WDR37: variants seen among roughly 807,000 people sequenced by gnomAD.
WDR37 encodes the protein WD repeat domain 37.
In WDR37, 19 loss-of-function variants were observed where a neutral mutation model predicts 62.9. That is an observed-to-expected ratio of 0.30 (90% CI 0.21 to 0.44). The LOEUF (loss-of-function observed/expected upper bound fraction) is 0.44, where lower values mean the gene tolerates loss of function less well. Among genes scored for constraint, WDR37 ranks in the 20% least tolerant of loss-of-function variants. WDR37 has a pLI of 1.00. For missense variants in WDR37, 474 were observed against 657.6 expected (o/e 0.72, Z 3.05); for synonymous variants, 250 against 260.9 (o/e 0.96, Z 0.40).
chr10:1,059,657 G>A (rs1833310392), intron 1 of WDR37, among the ~76,000 whole-genome samples: 1 of 151,866 alleles, frequency 6.6e-6, no homozygotes, highest in Admixed American at 6.6e-5. Flanking sequence ...AATTAGCCAG[G>A]CGTGGTGGTG....
intron 7 of WDR37, among the ~76,000 whole-genome samples, chr10:1,087,357 G>A (rs186688933): frequency 2.0e-5 from 3 of 152,308 alleles, no homozygotes; most frequent in East Asian, 1.9e-4. Context: ...AGAGCAAAAC[G>A]CTGTTACAGG....
chr10:1,088,973 A>G (rs1394664976), intron 7 of WDR37, among the ~76,000 whole-genome samples: 1 of 152,302 alleles, frequency 6.6e-6, no homozygotes, highest in African/African-American at 2.4e-5. Context: ...TGGCCAGCAG[A>G]TAGAGTGGAC....
intron 3 of WDR37, among the ~76,000 whole-genome samples, chr10:1,078,934 C>T (rs1209055185): frequency 6.6e-6 from 1 of 152,192 alleles, no homozygotes; most frequent in Admixed American, 6.5e-5. Flanking sequence ...GTTTTTCACT[C>T]TGTAACTAAG....
intron 11 of WDR37, among the ~76,000 whole-genome samples, chr10:1,115,131 C>T (rs1835348916): frequency 6.6e-6 from 1 of 151,854 alleles, no homozygotes; most frequent in African/African-American, 2.4e-5. Flanking sequence ...GCAGGTGGCT[C>T]TGCCTTGTGC....
chr10:1,093,436 T>A lies in WDR37; in HGVS notation c.605-16T>A. 6.2e-7 allele frequency: 1 copy of A among 1,602,188 alleles called. No homozygotes were observed. The highest frequency in any genetic ancestry group is 2.2e-5 in the East Asian group (1 of 44,766). On this transcript the variant is annotated splice_polypyrimidine_tract_variant and intron_variant, in intron 7 of 13. Coordinates refer to ENST00000263150, the MANE Select transcript of WDR37 (RefSeq NM_014023.4). ...TGTCACTTTAAACCTGTTTTTATCA[T>A]ATTTTTATTTTGCAGTAAATTCTAT...
At chr10:1,087,441 T>C (rs1465222791) in intron 7 of WDR37, among the ~76,000 whole-genome samples, 1 of 152,170 alleles carries the variant, frequency 6.6e-6, no homozygotes, top group Admixed American at 6.5e-5. Context: ...TATATGTGCA[T>C]AGGTTAAAAA....
chr10:1,129,537 TC>T lies in WDR37; in HGVS notation c.*194del. 1 of 848,484 alleles carries T rather than the reference TC, an allele frequency of 1.2e-6. No homozygotes were observed. The highest frequency in any genetic ancestry group is 1.9e-5 in the South Asian group (1 of 52,384). 52.6% of individuals were successfully genotyped at this position (848,484 alleles called of 1,614,324 possible). On this transcript the variant is annotated 3_prime_UTR_variant, in exon 14 of 14. Coordinates refer to ENST00000263150, the MANE Select transcript of WDR37 (RefSeq NM_014023.4). ...TGTGTGGTCGTATTTTTTACTTTTGTCTTGTATATGTATGTATATTGGGTCC... is the reference window on the plus strand; with the variant it reads ...TGTGTGGTCGTATTTTTTACTTTTGTTTGTATATGTATGTATATTGGGTCC...
In WDR37 at chr10:1,105,278, G is replaced by T. The variant is rs112773277; in HGVS notation, c.1103+11G>T. The stretch of plus-strand genomic sequence containing the variant: ...CCAGGGACACACGGAGTGAGTTGCG[G>T]TAGTTTAGACATCTGTCCTTAGTCA... On this transcript the variant is annotated intron_variant, in intron 11 of 13. Coordinates refer to ENST00000263150, the MANE Select transcript of WDR37 (RefSeq NM_014023.4). This position sits in a 1 kb window ranked among gnomAD's most constrained non-coding sequence, Gnocchi z 5.3. 1.2e-5 allele frequency: 20 copies of T among 1,612,742 alleles called. No individual in the cohort carries two copies. The highest frequency in any genetic ancestry group is 3.3e-4 in the Middle Eastern group (2 of 6,062).
chr10:1,107,226 G>A (rs1835052177), intron 11 of WDR37, among the ~76,000 whole-genome samples: 2 of 152,240 alleles, frequency 1.3e-5, no homozygotes, highest in Non-Finnish European at 2.9e-5. Context: ...GGTGCTCCCC[G>A]ACGTCCACCA....
Position 1,092,872 on chromosome 10 carries a change from C to CAAAAAAAAAAAAAAAAAA in WDR37, c.605-571_605-554dup, listed in dbSNP as rs56220560. On this transcript the variant is annotated intron_variant, in intron 7 of 13. Coordinates refer to ENST00000263150, the MANE Select transcript of WDR37 (RefSeq NM_014023.4). ...GCAACCAGAGCAAGACCCTATCTCA[C>CAAAAAAAAAAAAAAAAAA]AAAAAAAAAAAAAAAAAAAAAAAAA... 2.5e-3 allele frequency among the ~76,000 whole-genome samples: 107 copies of CAAAAAAAAAAAAAAAAAA among 41,974 alleles called. 7 individuals are homozygous for CAAAAAAAAAAAAAAAAAA. The highest frequency in any genetic ancestry group is 6.7e-3 in the East Asian group (7 of 1,040). 27.5% of individuals were successfully genotyped at this position (41,974 alleles called of 152,430 possible).
intron 1 of WDR37, among the ~76,000 whole-genome samples, chr10:1,068,360 G>A (rs1015996330): frequency 1.4e-5 from 1 of 71,102 alleles, no homozygotes; most frequent in Non-Finnish European, 2.8e-5. Flanking sequence ...GGGCGCCTGA[G>A]GCAGGAGAAT....
At chr10:1,104,855 C>G (rs1422340198) in intron 10 of WDR37, among the ~76,000 whole-genome samples, 2 of 152,164 alleles carry the variant, frequency 1.3e-5, no homozygotes, top group East Asian at 3.8e-4. Context: ...CACATTCAAC[C>G]TGTTAATTTG....
chr10:1,073,899 AAC>A (rs1402923730), intron 2 of WDR37, among the ~76,000 whole-genome samples: 3 of 152,032 alleles, frequency 2.0e-5, no homozygotes, highest in Non-Finnish European at 4.4e-5. Context: ...CCTGCTTCCA[AAC>A]ACAGTCGCAT....
At position 1,056,391 on chromosome 10, in the gene WDR37, G is replaced by A. The variant is rs1833164580; in HGVS notation, c.-618G>A. The A allele has an allele frequency of 6.6e-6, 1 of 152,272 alleles. No individual in the cohort carries two copies. Among genetic ancestry groups the A allele is most frequent in the South Asian group, 2.1e-4 (1 of 4,836 alleles). 9.4% of individuals were successfully genotyped at this position (152,272 alleles called of 1,614,324 possible). On this transcript the variant is annotated 5_prime_UTR_variant, in exon 1 of 14. Transcript: ENST00000263150. ...TTCAGGACGCTGGTGAGTCACTGCG[G>A]AGGAGCCGAACACTGACCGCGCCGT...
rs74120426 is a variant in WDR37, at chr10:1,078,845, C to T, written c.235+842C>T. 8.8e-3 allele frequency among the ~76,000 whole-genome samples: 1,345 copies of T among 152,306 alleles called. 13 individuals are homozygous for T. Among genetic ancestry groups the T allele is most frequent in the African/African-American group, 0.021 (869 of 41,564 alleles). ...AATTTGTACTAGACAAATGTAACTA[C>T]AATCAAGTCTTTCATGCTTTATCTA... On this transcript the variant is annotated intron_variant, in intron 3 of 13. Transcript: ENST00000263150.
At chr10:1,113,927 A>C (rs952522198) in intron 11 of WDR37, among the ~76,000 whole-genome samples, 73 of 129,866 alleles carry the variant, frequency 5.6e-4, no homozygotes, top group Non-Finnish European at 1.0e-3. Context: ...TCCAGTTTTG[A>C]GGTTCAATTG....
chr10:1,103,708 A>T lies in WDR37; in HGVS notation c.833A>T (p.Lys278Met). 6.2e-7 allele frequency: 1 copy of T among 1,614,222 alleles called. No homozygotes were observed. The highest frequency in any genetic ancestry group is 8.5e-7 in the Non-Finnish European group (1 of 1,180,036). The change falls in exon 10 of 14, where the codon AAG (lysine) becomes ATG (methionine). Residue 278 changes from lysine to methionine, a missense_variant. Transcript: ENST00000263150. The surrounding 1 kb of genome is among the most constrained non-coding windows in gnomAD (Gnocchi z 6.3). ...ATCCGCGTCCCACTGACATCCCTCA[A>T]GAGCCACCAGGGCGTGGTCATCGCC... ...PTIRVPLTSL[K>M]SHQGVVIASD...
rs56220560 is a variant in WDR37 at position 1,092,872 on chromosome 10, C to CAAAAAAAAA, written c.605-562_605-554dup. The stretch of plus-strand genomic sequence containing the variant: ...GCAACCAGAGCAAGACCCTATCTCA[C>CAAAAAAAAA]AAAAAAAAAAAAAAAAAAAAAAAAA... On this transcript the variant is annotated intron_variant, in intron 7 of 13. Transcript: ENST00000263150. Among the ~76,000 whole-genome samples the CAAAAAAAAA allele has an allele frequency of 3.4e-3, 142 of 41,968 alleles. 8 individuals are homozygous for CAAAAAAAAA. Among genetic ancestry groups the CAAAAAAAAA allele is most frequent in the East Asian group, 5.8e-3 (6 of 1,040 alleles). 27.5% of individuals were successfully genotyped at this position (41,968 alleles called of 152,430 possible). A position where few individuals can be genotyped will look rare whatever the true frequency, so the allele number is the denominator to read the frequency against.
intron 1 of WDR37, among the ~76,000 whole-genome samples, chr10:1,068,474 CAG>C (rs777127149): frequency 6.6e-5 from 10 of 150,910 alleles, no homozygotes; most frequent in Admixed American, 2.0e-4. Flanking sequence ...AAAAAACAAA[CAG>C]TGTTTTACTG....
Sources: gnomAD v4.1 joint callset for allele counts (sites outside exome capture counted in the v4.1 genomes callset) on GRCh38, gnomAD v4.1.1 for gene constraint, Gnocchi (gnomAD v3.1) non-coding constraint, MANE v1.5 for transcripts, NCBI Gene and HGNC (gene_info 2026-07-23, HGNC 2026-07-21) for gene names.